The following CELF2 variants were observed in gnomAD, a reference collection of about 807,000 sequenced individuals.
CELF2 encodes the protein CUGBP Elav-like family member 2, also known as CUG triplet repeat RNA-binding protein 2.
A neutral mutation model predicts 62.6 loss-of-function variants in CELF2; 8 were observed. The ratio of observed to expected loss-of-function variants is 0.13; its 90% CI spans 0.07 to 0.23. The LOEUF is 0.23. Among genes scored for constraint, CELF2 ranks in the 10% least tolerant of loss-of-function variants. The pLI, the probability that CELF2 is intolerant of heterozygous loss-of-function variation, is 1.00. For synonymous variants in CELF2, 258 were observed against 250.0 expected (o/e 1.03, Z -0.30); for missense variants, 333 against 671.0 (o/e 0.50, Z 5.56).
At chr10:10,835,276 A>G (rs947883004) in intron 1 of CELF2, among the ~76,000 whole-genome samples, 2 of 151,902 alleles carry the variant, frequency 1.3e-5, no homozygotes, top group Non-Finnish European at 2.9e-5. Flanking sequence ...ATTTTTGTAG[A>G]GATGTGGTCT....
chr10:10,476,916 A>G, the CELF2 span, among the ~76,000 whole-genome samples: 1 of 152,188 alleles, frequency 6.6e-6, no homozygotes, highest in Non-Finnish European at 1.5e-5. Context: ...TTTGGTGACT[A>G]ATACTGTTTT....
chr10:11,009,863 G>A (rs188517003), intron 1 of CELF2, among the ~76,000 whole-genome samples: 13 of 152,326 alleles, frequency 8.5e-5, no homozygotes, highest in African/African-American at 3.1e-4. Flanking sequence ...ACATACCTCC[G>A]ATATGCGTGG....
intron 1 of CELF2, among the ~76,000 whole-genome samples, chr10:11,031,522 G>C (rs539282155): frequency 1.3e-5 from 2 of 152,192 alleles, no homozygotes; most frequent in Non-Finnish European, 2.9e-5. Flanking sequence ...TCATGCATGG[G>C]TTGGCCTAAC....
At chr10:11,161,776 T>TG (rs1263415531) in intron 1 of CELF2, among the ~76,000 whole-genome samples, 1 of 152,184 alleles carries the variant, frequency 6.6e-6, no homozygotes, top group African/African-American at 2.4e-5. Context: ...ATGAGGTTGT[T>TG]GTAAATAGGA....
the CELF2 span, among the ~76,000 whole-genome samples, chr10:10,736,649 G>T: frequency 1.3e-5 from 2 of 151,536 alleles, no homozygotes; most frequent in Admixed American, 1.3e-4. Context: ...GTTCTTATAT[G>T]GCAAGATGAT....
intron 2 of CELF2, among the ~76,000 whole-genome samples, chr10:10,967,081 C>A (rs1227831551): frequency 1.3e-5 from 2 of 152,126 alleles, no homozygotes; most frequent in African/African-American, 4.8e-5. Flanking sequence ...ACAAAAGTAC[C>A]AAAGTAGGTT....
chr10:10,701,809 G>T, the CELF2 span, among the ~76,000 whole-genome samples: 1 of 152,334 alleles, frequency 6.6e-6, no homozygotes, highest in African/African-American at 2.4e-5. Flanking sequence ...TAGAGACCAT[G>T]AGAAAGTCCC....
chr10:11,191,079 T>C lies in CELF2; in HGVS notation c.271+25397T>C, dbSNP rs1465386332. On this transcript the variant is annotated intron_variant, in intron 2 of 12. Coordinates refer to ENST00000633077, the MANE Select transcript of CELF2 (RefSeq NM_001326342.2). This position sits in a 1 kb window ranked among gnomAD's most constrained non-coding sequence, Gnocchi z 4.1. ...GAAGTAAATTAGGGTTTAAATCCAG[T>C]TCCCTGAGGTTGGGCAAGCTGCTGG... is the stretch of plus-strand genomic sequence containing the variant. Among the ~76,000 whole-genome samples, 1 of 152,176 alleles carries C rather than the reference T, an allele frequency of 6.6e-6. No homozygotes were observed. Among genetic ancestry groups the C allele is most frequent in the Non-Finnish European group, 1.5e-5 (1 of 68,014 alleles).
the CELF2 span, among the ~76,000 whole-genome samples, chr10:10,583,681 T>G: frequency 6.6e-6 from 1 of 152,136 alleles, no homozygotes; most frequent in Non-Finnish European, 1.5e-5. Context: ...CCTTTCCTTC[T>G]GTAGAATATA....
At chr10:11,124,230 C>G (rs1227851533) in intron 1 of CELF2, among the ~76,000 whole-genome samples, 1 of 152,166 alleles carries the variant, frequency 6.6e-6, no homozygotes, top group African/African-American at 2.4e-5. Flanking sequence ...TCATATCACT[C>G]TCCCTCTGTC....
the CELF2 span, among the ~76,000 whole-genome samples, chr10:10,758,771 G>A: frequency 6.6e-6 from 1 of 152,214 alleles, no homozygotes; most frequent in African/African-American, 2.4e-5. Flanking sequence ...ACAGATTTGA[G>A]TGCATTTAAT....
chr10:10,652,947 T>C, the CELF2 span, among the ~76,000 whole-genome samples: 3 of 152,098 alleles, frequency 2.0e-5, no homozygotes, highest in African/African-American at 7.2e-5. Flanking sequence ...TCAAGACCCA[T>C]CAGTGTGCTG....
intron 2 of CELF2, among the ~76,000 whole-genome samples, chr10:10,932,712 A>G (rs1592097467): frequency 6.6e-6 from 1 of 152,142 alleles, no homozygotes; most frequent in East Asian, 1.9e-4. Flanking sequence ...ATATGTATGT[A>G]TAATACATTA....
chr10:10,558,465 A>G, the CELF2 span, among the ~76,000 whole-genome samples: 7 of 152,120 alleles, frequency 4.6e-5, no homozygotes, highest in Non-Finnish European at 8.8e-5. Flanking sequence ...TTTTGCATCA[A>G]TGTTCATCAA....
In CELF2 at chr10:11,149,086, C is replaced by A. The variant is rs148891987; in HGVS notation, c.75-16400C>A. Among the ~76,000 whole-genome samples the A allele has an allele frequency of 5.1e-3, 781 of 151,790 alleles. 3 individuals are homozygous for A. The highest frequency in any genetic ancestry group is 0.018 in the African/African-American group (739 of 41,412). The stretch of plus-strand genomic sequence containing the variant: ...TATTGACAGGTGTTTTTTTTTCTTT[C>A]CCAAGTCGGAGTCTCCTTCTGTCAC... On this transcript the variant is annotated intron_variant, in intron 1 of 12. Transcript: ENST00000633077.
rs1036986030 is a variant in CELF2, at chr10:11,165,045, C to T, written c.75-441C>T. 1.3e-4 allele frequency: 130 copies of T among 974,446 alleles called. No individual in the cohort carries two copies. The highest frequency in any genetic ancestry group is 1.4e-4 in the Non-Finnish European group (119 of 824,878). 60.4% of individuals were successfully genotyped at this position (974,446 alleles called of 1,614,324 possible). ...AAACCTCCCAAAAAGGGCGGTGGGG[C>T]GGGGGGCGGGGCAGGGAGAGGGAGA... is the stretch of plus-strand genomic sequence containing the variant. On this transcript the variant is annotated intron_variant, in intron 1 of 12. Transcript: ENST00000633077. The surrounding 1 kb of genome is among the most constrained non-coding windows in gnomAD (Gnocchi z 7.4).
At chr10:10,965,976 A>G (rs1370563399) in intron 2 of CELF2, among the ~76,000 whole-genome samples, 1 of 152,248 alleles carries the variant, frequency 6.6e-6, no homozygotes, top group Non-Finnish European at 1.5e-5. Context: ...AATGGTCACA[A>G]GTGTCTCCCT....
At chr10:10,794,072 G>C (rs925439710), upstream of CELF2, among the ~76,000 whole-genome samples, 3 of 152,082 alleles carry the variant, frequency 2.0e-5, no homozygotes, top group East Asian at 5.8e-4. Flanking sequence ...ATGCACACGG[G>C]GTGTGCTGTA....
chr10:11,025,351 C>T (rs1476519787), intron 1 of CELF2, among the ~76,000 whole-genome samples: 1 of 152,008 alleles, frequency 6.6e-6, no homozygotes, highest in Admixed American at 6.6e-5. Context: ...CCCCACGTGT[C>T]AAGGGAGAGA....
Sources: gnomAD v4.1 joint callset for allele counts (sites outside exome capture counted in the v4.1 genomes callset) on GRCh38, gnomAD v4.1.1 for gene constraint, Gnocchi (gnomAD v3.1) non-coding constraint, MANE v1.5 for transcripts, NCBI Gene and HGNC (gene_info 2026-07-23, HGNC 2026-07-21) for gene names.